Variants in PARK7 observed in about 807,000 individuals in gnomAD.
PARK7 encodes the protein Parkinsonism associated deglycase, also known as Parkinson disease protein 7.
A neutral mutation model predicts 20.5 loss-of-function variants in PARK7; 14 were observed. The ratio of observed to expected loss-of-function variants is 0.68; its 90% CI spans 0.45 to 1.07. PARK7 has a LOEUF of 1.07. Among genes scored for constraint, PARK7 ranks in the 50% least tolerant of loss-of-function variants. The pLI, the probability that PARK7 is intolerant of heterozygous loss-of-function variation, is 0.00. For missense variants in PARK7, 234 were observed against 238.1 expected (o/e 0.98, Z 0.11); for synonymous variants, 98 against 84.3 (o/e 1.16, Z -0.89).
chr1:7,979,798 C>T (rs563938911), intron 6 of PARK7, among the ~76,000 whole-genome samples: 15 of 152,188 alleles, frequency 9.9e-5, no homozygotes, highest in East Asian at 1.9e-4. Flanking sequence ...CACTGTGCCC[C>T]GCTCATGGTT....
Position 7,977,675 on chromosome 1 carries a change from G to A in PARK7, c.346G>A (p.Glu116Lys), listed in dbSNP as rs779825454. ...CAGPTALLAH[E>K]IGFGSKVTTH... is the part of the protein sequence containing the mutation. ...AGGTCCTACTGCTCTGTTGGCTCAT[G>A]AAATAGGTTTTGGAAGTAAAGTTAC... Residue 116 changes from glutamate to lysine, a missense_variant, in exon 6 of 7, where the codon GAA (glutamate) becomes AAA (lysine). By Grantham distance (56) the Glu-to-Lys change is moderately conservative. Transcript: ENST00000338639. The A allele has an allele frequency of 6.2e-7, 1 of 1,614,092 alleles. No homozygotes were observed. The highest frequency in any genetic ancestry group is 1.1e-5 in the South Asian group (1 of 91,078).
intron 5 of PARK7, chr1:7,971,684 G>C (rs757699912): frequency 1.3e-5 from 2 of 152,586 alleles, no homozygotes; most frequent in Non-Finnish European, 2.9e-5. Flanking sequence ...TGTAATCCCA[G>C]CACTTTGGGA....
intron 1 of PARK7, 78 bp from the exon 2 acceptor site, chr1:7,962,685 T>A: frequency 1.1e-6 from 1 of 879,982 alleles, no homozygotes; most frequent in Non-Finnish European, 1.8e-6. Context: ...TTGAAAATGC[T>A]CCTAAACTTT....
intron 4 of PARK7, among the ~76,000 whole-genome samples, chr1:7,970,012 C>T (rs762466596): frequency 2.6e-5 from 4 of 151,982 alleles, no homozygotes; most frequent in East Asian, 1.9e-4. Flanking sequence ...AGTAACACAT[C>T]GAGACGCCAT....
At chr1:7,977,985 CTTTTTTTTTTT>C (rs34231723) in intron 6 of PARK7, among the ~76,000 whole-genome samples, 31 of 53,578 alleles carry the variant, frequency 5.8e-4, no homozygotes, top group African/African-American at 1.5e-3. Context: ...GTCTCAAACT[CTTTTTTTTTTT>C]TTTTTTTTTT....
At chr1:7,978,578 T>G (rs1449755221) in intron 6 of PARK7, among the ~76,000 whole-genome samples, 1 of 152,072 alleles carries the variant, frequency 6.6e-6, no homozygotes, top group Non-Finnish European at 1.5e-5. Flanking sequence ...GCACAGTGGC[T>G]TCCGCCTGTA....
rs114429929 is a variant in PARK7, at chr1:7,975,607, A to G, written c.323-2045A>G. 5.3e-3 allele frequency among the ~76,000 whole-genome samples: 807 copies of G among 152,334 alleles called. 4 individuals are homozygous for G. Among genetic ancestry groups the G allele is most frequent in the African/African-American group, 0.019 (775 of 41,574 alleles). The stretch of plus-strand genomic sequence containing the variant: ...CAAATAGGGTTCTGACGCCCCAGAA[A>G]GCAGTGATTATGAGCTTACCTGATA... On this transcript the variant is annotated intron_variant, in intron 5 of 6. Coordinates refer to ENST00000338639, the MANE Select transcript of PARK7 (RefSeq NM_007262.5).
intron 2 of PARK7, among the ~76,000 whole-genome samples, chr1:7,964,490 T>C (rs7528618): frequency 0.05 from 7,687 of 152,292 alleles, 667 homozygotes; most frequent in African/African-American, 0.18. Context: ...TTGCACTGAA[T>C]GCCACAATCT....
At chr1:7,981,722 G>A (rs577892319) in intron 6 of PARK7, among the ~76,000 whole-genome samples, 117 of 148,024 alleles carry the variant, frequency 7.9e-4, no homozygotes, top group African/African-American at 2.7e-3. Context: ...ACAGTGGCAC[G>A]ATCTGTGCTC....
chr1:7,982,069 G>A (rs1170187190), intron 6 of PARK7, among the ~76,000 whole-genome samples: 1 of 145,900 alleles, frequency 6.9e-6, no homozygotes, highest in Non-Finnish European at 1.5e-5. Context: ...CCGCCTCCCG[G>A]GTTCAAGTGA....
intron 2 of PARK7, 150 bp downstream of exon 2, chr1:7,963,025 C>T: frequency 1.4e-6 from 1 of 712,154 alleles, no homozygotes; most frequent in Non-Finnish European, 2.5e-6. Context: ...CCTGTTGATC[C>T]ACTGCTCACA....
chr1:7,969,268 A>G, intron 3 of PARK7, 77 bp from the exon 4 acceptor site: 1 of 1,169,348 alleles, frequency 8.6e-7, no homozygotes, highest in South Asian at 1.3e-5. Context: ...AAAATAGGAA[A>G]GTATTATTGG....
chr1:7,966,314 G>A (rs1242900780), intron 3 of PARK7, among the ~76,000 whole-genome samples: 1 of 151,902 alleles, frequency 6.6e-6, no homozygotes, highest in Non-Finnish European at 1.5e-5. Context: ...TTTCTAATAA[G>A]TTTAGATTTT....
intron 6 of PARK7, among the ~76,000 whole-genome samples, chr1:7,980,313 T>A (rs1640685069): frequency 6.6e-6 from 1 of 152,128 alleles, no homozygotes; most frequent in African/African-American, 2.4e-5. Context: ...TTGTGATGTC[T>A]TCAGAGGGAA....
chr1:7,968,177 G>T (rs1256351796), intron 3 of PARK7, among the ~76,000 whole-genome samples: 1 of 151,158 alleles, frequency 6.6e-6, no homozygotes, highest in East Asian at 2.0e-4. Flanking sequence ...GCACAGTGGT[G>T]GGTACCTGTA....
chr1:7,981,655 C>CTTTT (rs1458652247), intron 6 of PARK7, among the ~76,000 whole-genome samples: 1 of 131,006 alleles, frequency 7.6e-6, no homozygotes. Context: ...TGTCCTGTGT[C>CTTTT]TTTTGTTTTT....
intron 3 of PARK7, among the ~76,000 whole-genome samples, chr1:7,966,685 C>T (rs1277289551): frequency 6.6e-6 from 1 of 152,112 alleles, no homozygotes; most frequent in Admixed American, 6.5e-5. Context: ...CATTGCCCTT[C>T]AGCCTGGGTG....
At chr1:7,970,635 G>T (rs1407832626) in intron 4 of PARK7, among the ~76,000 whole-genome samples, 1 of 152,172 alleles carries the variant, frequency 6.6e-6, no homozygotes. Flanking sequence ...GTACAAAATG[G>T]CAAGGGTCAA....
intron 5 of PARK7, among the ~76,000 whole-genome samples, chr1:7,973,032 A>G (rs1186512623): frequency 2.0e-5 from 3 of 152,200 alleles, no homozygotes; most frequent in African/African-American, 4.8e-5. Context: ...CCTGGGTGAC[A>G]CAGCAAGACT....
Sources: allele counts gnomAD v4.1 joint callset (sites outside exome capture counted in the v4.1 genomes callset), GRCh38; gene constraint gnomAD v4.1.1; transcripts MANE v1.5; gene names NCBI Gene and HGNC (gene_info 2026-07-23, HGNC 2026-07-21).